The following RER1 variants were observed in gnomAD, a reference collection of about 807,000 sequenced individuals.
The protein encoded by RER1 is protein RER1.
Under a neutral mutation model 28.3 loss-of-function variants are expected in RER1, and 6 were observed. The observed-to-expected ratio is 0.21, with a 90% confidence interval of 0.12 to 0.42. RER1 has a LOEUF of 0.42. Among genes scored for constraint, RER1 ranks in the 10% least tolerant of loss-of-function variants. RER1 has a pLI of 1.00. For synonymous variants in RER1, 110 were observed against 95.9 expected (o/e 1.15, Z -0.86); for missense variants, 159 against 252.9 (o/e 0.63, Z 2.52).
At chr1:2,399,969 G>A (rs962473534) in intron 4 of RER1, among the ~76,000 whole-genome samples, 2 of 152,248 alleles carry the variant, frequency 1.3e-5, no homozygotes, top group East Asian at 1.9e-4. Context: ...GCATCGGGTC[G>A]GGTCAGGCTT....
chr1:2,396,709 G>A (rs536743671), intron 2 of RER1, among the ~76,000 whole-genome samples: 1 of 152,342 alleles, frequency 6.6e-6, no homozygotes, highest in South Asian at 2.1e-4. Context: ...GCGGGGCAAG[G>A]CTGGCTGCTG....
Position 2,405,060 on chromosome 1 carries a change from G to C in RER1, c.*1936G>C, listed in dbSNP as rs1437318944. On this transcript the variant is annotated 3_prime_UTR_variant, in exon 7 of 7. Coordinates refer to ENST00000605895, the MANE Select transcript of RER1 (RefSeq NM_007033.5). ...AGGACCTGGCTCGTGAGTGCGTCTG[G>C]GTCAGGAAGAGACCTCTCTGTGCGT... 1 of 157,998 alleles carries C rather than the reference G, an allele frequency of 6.3e-6. No individual in the cohort carries two copies. The highest frequency in any genetic ancestry group is 1.9e-4 in the East Asian group (1 of 5,344). 9.8% of individuals were successfully genotyped at this position (157,998 alleles called of 1,614,324 possible).
intron 3 of RER1, among the ~76,000 whole-genome samples, chr1:2,399,023 C>T (rs1642807986): frequency 6.6e-6 from 1 of 152,190 alleles, no homozygotes; most frequent in African/African-American, 2.4e-5. Flanking sequence ...GGGTGGGGCT[C>T]TGGGCCAGCA....
chr1:2,400,753 T>G (rs1375734131), intron 4 of RER1, 104 bp from the exon 5 acceptor site: 8 of 938,690 alleles, frequency 8.5e-6, no homozygotes, highest in Non-Finnish European at 1.4e-5. Context: ...TGAATCTCGG[T>G]TTAGATTTGT....
intron 1 of RER1, among the ~76,000 whole-genome samples, chr1:2,392,882 G>T (rs68103143): frequency 0.1 from 15,614 of 152,254 alleles, 864 homozygotes; most frequent in East Asian, 0.13. Context: ...TTGGGAAGGA[G>T]GAAGAGACGG....
At chr1:2,395,145 C>T (rs1355091303) in intron 1 of RER1, 1 of 152,664 alleles carries the variant, frequency 6.6e-6, no homozygotes, top group African/African-American at 2.4e-5. Context: ...TGACCTCTGG[C>T]ACCTGGGTTC....
At position 2,399,635 on chromosome 1, in the gene RER1, A is replaced by G. The variant is rs1642816623; in HGVS notation, c.286+121A>G. 29 of 678,188 alleles carry G rather than the reference A, an allele frequency of 4.3e-5. 1 individual carries two copies. In the South Asian group the frequency reaches 4.3e-4, roughly 10 times the overall value. 42.0% of individuals were successfully genotyped at this position (678,188 alleles called of 1,614,324 possible). A position where few individuals can be genotyped will look rare whatever the true frequency, so the allele number is the denominator to read the frequency against. ...TCTCTTGGGGTTGAAATGTACTTGT[A>G]ATGTTGGGTGATCAGGATATGTTTG... On this transcript the variant is annotated intron_variant, in intron 4 of 6. Transcript: ENST00000605895.
chr1:2,396,688 T>G (rs1167845260), intron 2 of RER1, among the ~76,000 whole-genome samples: 1 of 152,220 alleles, frequency 6.6e-6, no homozygotes, highest in African/African-American at 2.4e-5. Flanking sequence ...CTGTGGCCAG[T>G]GGGCCTGGGA....
chr1:2,400,389 C>T (rs939838456), intron 4 of RER1, among the ~76,000 whole-genome samples: 1 of 152,232 alleles, frequency 6.6e-6, no homozygotes, highest in African/African-American at 2.4e-5. Context: ...CCTCAGTTTT[C>T]CCATCTGTAA....
intron 5 of RER1, among the ~76,000 whole-genome samples, chr1:2,401,342 CTCCCTCCTT>C (rs1570084143): frequency 1.1e-4 from 1 of 8,832 alleles, no homozygotes; most frequent in Non-Finnish European, 2.5e-4. Flanking sequence ...CTCCCTCCTT[CTCCCTCCTT>C]CCTCCCTCCT....
At chr1:2,402,740 A>C (rs377100850) in intron 6 of RER1, among the ~76,000 whole-genome samples, 1 of 151,788 alleles carries the variant, frequency 6.6e-6, no homozygotes, top group Non-Finnish European at 1.5e-5. Flanking sequence ...TGCGGGCCTC[A>C]CTCTGTGCCC....
Position 2,395,592 on chromosome 1 carries a change from T to G in RER1, c.-7-192T>G, listed in dbSNP as rs189315201. On this transcript the variant is annotated intron_variant, in intron 1 of 6. Coordinates refer to ENST00000605895, the MANE Select transcript of RER1 (RefSeq NM_007033.5). ...GCTCCTGGGCCCATGCGTCTCACGCTGCCCTTCCTCTCCAGGGAAGCCTGT... is the reference window on the plus strand; with the variant it reads ...GCTCCTGGGCCCATGCGTCTCACGCGGCCCTTCCTCTCCAGGGAAGCCTGT... 107 of 582,158 alleles carry G rather than the reference T, an allele frequency of 1.8e-4. No homozygotes were observed. The East Asian group carries it at 2.5e-3, about 14-fold the overall frequency. 36.1% of individuals were successfully genotyped at this position (582,158 alleles called of 1,614,324 possible). A position where few individuals can be genotyped will look rare whatever the true frequency, so the allele number is the denominator to read the frequency against.
Position 2,396,084 on chromosome 1 carries a change from G to A in RER1, c.81+213G>A, listed in dbSNP as rs1250006754. The A allele has an allele frequency of 5.7e-5, 32 of 558,308 alleles. 1 individual carries two copies. The highest frequency in any genetic ancestry group is 8.6e-5 in the Non-Finnish European group (27 of 312,460). 34.6% of individuals were successfully genotyped at this position (558,308 alleles called of 1,614,324 possible). The stretch of plus-strand genomic sequence containing the variant: ...CACACGTGGTCTATCAAACATATGC[G>A]TTTTCTGTTTCTGTTTTCCTTTTAC... On this transcript the variant is annotated intron_variant, in intron 2 of 6. Transcript: ENST00000605895.
intron 5 of RER1, 164 bp from the exon 6 acceptor site, chr1:2,402,043 C>T (rs1190688457): frequency 3.2e-6 from 5 of 1,556,608 alleles, no homozygotes; most frequent in Non-Finnish European, 4.4e-6. Flanking sequence ...CTGTGAGCTA[C>T]ATGCAAAGGG....
At chr1:2,398,835 A>G (rs1285590103) in intron 3 of RER1, among the ~76,000 whole-genome samples, 1 of 152,262 alleles carries the variant, frequency 6.6e-6, no homozygotes, top group Non-Finnish European at 1.5e-5. Context: ...CTCTTGAGGA[A>G]GGCTTGGCAT....
intron 1 of RER1, chr1:2,394,490 G>C (rs898009663): frequency 6.6e-6 from 1 of 152,262 alleles, no homozygotes; most frequent in African/African-American, 2.4e-5. Context: ...GAAGGTGCAG[G>C]TTCTGGCTCC....
rs918573391 is a variant in RER1 at position 2,395,738 on chromosome 1, C to G, written c.-7-46C>G. Reference sequence around the variant, plus strand: ...GTGAAAATAGGGCCAGGATTTCACACCCGTGAATGCTTTTTACTGAAAAGT... The same window carrying G: ...GTGAAAATAGGGCCAGGATTTCACAGCCGTGAATGCTTTTTACTGAAAAGT... On this transcript the variant is annotated intron_variant, in intron 1 of 6. Coordinates refer to ENST00000605895, the MANE Select transcript of RER1 (RefSeq NM_007033.5). 10 of 1,367,616 alleles carry G rather than the reference C, an allele frequency of 7.3e-6. No homozygotes were observed. In the African/African-American group the frequency reaches 1.4e-4, roughly 19 times the overall value. The allele number at this position is 1,367,616 out of a possible 1,614,324, so 84.7% of individuals were successfully genotyped here. A position where few individuals can be genotyped will look rare whatever the true frequency, so the allele number is the denominator to read the frequency against.
intron 2 of RER1, chr1:2,396,182 C>A: frequency 2.9e-6 from 1 of 341,948 alleles, no homozygotes; most frequent in South Asian, 2.9e-5. Flanking sequence ...CCGTTCTGCT[C>A]TTGCTGTCCC....
At chr1:2,392,400 G>C (rs975492918) in intron 1 of RER1, among the ~76,000 whole-genome samples, 1 of 152,236 alleles carries the variant, frequency 6.6e-6, no homozygotes, top group Non-Finnish European at 1.5e-5. Context: ...GTAGGATTTA[G>C]TGTTAAGCTC....
Sources: allele counts gnomAD v4.1 joint callset (sites outside exome capture counted in the v4.1 genomes callset), GRCh38; gene constraint gnomAD v4.1.1; transcripts MANE v1.5; gene names NCBI Gene and HGNC (gene_info 2026-07-23, HGNC 2026-07-21).